PAK4: variants seen among roughly 807,000 people sequenced by gnomAD.
PAK4 encodes serine/threonine-protein kinase PAK 4.
Under a neutral mutation model 53.5 loss-of-function variants are expected in PAK4, and 49 were observed. The ratio of observed to expected loss-of-function variants is 0.92; its 90% CI spans 0.73 to 1.16. PAK4 has a LOEUF of 1.16. Among genes scored for constraint, PAK4 ranks in the 50% most tolerant of loss-of-function variants. The probability of loss-of-function intolerance (pLI) is 0.00; values close to 1 mark genes in which losing one functional copy is unlikely to be tolerated. For missense variants in PAK4, 824 were observed against 850.7 expected (o/e 0.97, Z 0.39); for synonymous variants, 376 against 375.6 (o/e 1.00, Z -0.01).
intron 1 of PAK4, among the ~76,000 whole-genome samples, chr19:39,152,625 A>G (rs768996089): frequency 6.6e-6 from 1 of 152,190 alleles, no homozygotes; most frequent in Non-Finnish European, 1.5e-5. Flanking sequence ...TGCTGGGTTT[A>G]CTGTCACACC....
Position 39,178,520 on chromosome 19 carries a change from G to A in PAK4, c.1717G>A (p.Ala573Thr), listed in dbSNP as rs149210444. ...CGAGCTGCTGAAGCACCCATTCCTG[G>A]CCAAGGCAGGGCCGCCTGCCAGCAT... Residue 573 changes from alanine to threonine, a missense_variant, in exon 9 of 9, where the codon GCC (alanine) becomes ACC (threonine). Ala to Thr is a moderately conservative substitution (Grantham distance 58, BLOSUM62 0). Transcript: ENST00000358301. The surrounding 1 kb of genome is among the most constrained non-coding windows in gnomAD (Gnocchi z 4.4). The A allele has an allele frequency of 5.6e-6, 9 of 1,611,842 alleles. No individual in the cohort carries two copies. Among genetic ancestry groups the A allele is most frequent in the Non-Finnish European group, 6.8e-6 (8 of 1,179,522 alleles).
downstream of PAK4, chr19:39,180,977 A>G (rs1356849798): frequency 6.6e-6 from 1 of 152,050 alleles, no homozygotes; most frequent in South Asian, 2.1e-4. Context: ...TGCTGAAGAA[A>G]CCACGGGCTC....
At chr19:39,147,010 G>A (rs899515142) in intron 1 of PAK4, among the ~76,000 whole-genome samples, 1 of 126,832 alleles carries the variant, frequency 7.9e-6, no homozygotes, top group Non-Finnish European at 1.7e-5. Context: ...TAACACCTGC[G>A]AGACTGTAGT....
intron 1 of PAK4, among the ~76,000 whole-genome samples, chr19:39,158,710 C>T (rs1032307990): frequency 5.9e-5 from 9 of 152,138 alleles, no homozygotes; most frequent in East Asian, 1.9e-4. Flanking sequence ...ATCATCTCTT[C>T]GTTGAGCCAC....
exon 2 of PAK4, chr19:39,169,716 G>T: frequency 6.2e-7 from 1 of 1,609,780 alleles, no homozygotes. Flanking sequence ...GCCCCTCGTC[G>T]ACCCCGCCTG....
rs149987433 is a variant in PAK4 at position 39,161,622 on chromosome 19, C to T, written c.-22-7910C>T. Among the ~76,000 whole-genome samples the T allele has an allele frequency of 1.7e-4, 26 of 152,118 alleles. No homozygotes were observed. Among genetic ancestry groups the T allele is most frequent in the East Asian group, 3.9e-4 (2 of 5,166 alleles). On this transcript the variant is annotated intron_variant, in intron 1 of 8. Coordinates refer to ENST00000358301, the Ensembl canonical transcript of PAK4. The surrounding 1 kb of genome is among the most constrained non-coding windows in gnomAD (Gnocchi z 4.5). ...GGAGCCTGTGAACTCCTGAGTCAGG[C>T]GGTGGCCCTCCTGGGCTCAGAGACC...
chr19:39,137,981 A>AG (rs1244309292), intron 1 of PAK4, among the ~76,000 whole-genome samples: 1 of 127,826 alleles, frequency 7.8e-6, no homozygotes, highest in Admixed American at 8.2e-5. Flanking sequence ...GCCATTCCTG[A>AG]GGTTTTTTTT....
chr19:39,165,189 G>GATAATA (rs1171032266), intron 1 of PAK4, among the ~76,000 whole-genome samples: 3 of 54,734 alleles, frequency 5.5e-5, no homozygotes, highest in Non-Finnish European at 1.3e-4. Context: ...GGATGATGAT[G>GATAATA]ATGATGATAA....
At chr19:39,147,567 C>G (rs1255748816) in intron 1 of PAK4, among the ~76,000 whole-genome samples, 3 of 152,178 alleles carry the variant, frequency 2.0e-5, no homozygotes, top group African/African-American at 7.2e-5. Context: ...AGAAAACCAT[C>G]AAAACCATTT....
Position 39,177,668 on chromosome 19 carries a change from G to A in PAK4, c.1486-7G>A, listed in dbSNP as rs200152704. 96 of 1,610,608 alleles carry A rather than the reference G, an allele frequency of 6.0e-5. No individual in the cohort carries two copies. The East Asian group carries it at 1.3e-3, about 22-fold the overall frequency. The stretch of plus-strand genomic sequence containing the variant: ...GCTCAGCCCTGCTGTCCCTTCTCCC[G>A]CCCCAGGTAGACATCTGGTCGCTGG... On this transcript the variant is annotated splice_polypyrimidine_tract_variant and splice_region_variant and intron_variant, in intron 7 of 8. Transcript: ENST00000358301.
chr19:39,146,393 T>G (rs1190405933), intron 1 of PAK4, among the ~76,000 whole-genome samples: 3 of 152,162 alleles, frequency 2.0e-5, no homozygotes. Flanking sequence ...AGGAGCAGGG[T>G]TAGTTTGCGG....
At chr19:39,140,440 G>C (rs1175422703) in intron 1 of PAK4, among the ~76,000 whole-genome samples, 1 of 152,170 alleles carries the variant, frequency 6.6e-6, no homozygotes, top group Non-Finnish European at 1.5e-5. Flanking sequence ...AGGGAGGACT[G>C]TCCCCACGGG....
chr19:39,126,291 G>C, intron 1 of PAK4, among the ~76,000 whole-genome samples: 1 of 152,132 alleles, frequency 6.6e-6, no homozygotes, highest in South Asian at 2.1e-4. Context: ...GCTGCCCCTA[G>C]CGGAGCAGAT....
intron 1 of PAK4, among the ~76,000 whole-genome samples, chr19:39,133,964 C>T (rs774701258): frequency 1.9e-4 from 29 of 152,188 alleles, no homozygotes; most frequent in Admixed American, 2.6e-4. Context: ...TAGGACCCTG[C>T]GGGCCACTGG....
At chr19:39,181,437 C>A (rs2074699875), downstream of PAK4, 1 of 152,282 alleles carries the variant, frequency 6.6e-6, no homozygotes, top group Non-Finnish European at 1.5e-5. Context: ...CTGGAGGAGC[C>A]ACAGAGTGCC....
chr19:39,169,089 G>C (rs1422327012), intron 1 of PAK4, among the ~76,000 whole-genome samples: 3 of 152,146 alleles, frequency 2.0e-5, no homozygotes, highest in African/African-American at 4.8e-5. Context: ...GATGTAGAGC[G>C]GGGGGACGGC....
In PAK4 at chr19:39,178,339, G is replaced by C. The variant is rs1024027945; in HGVS notation, c.1621-85G>C. ...TCCTGCACAGTACATGCCGCCAGCC[G>C]ACTTGGCAGAGGCGGACACTGCAGC... On this transcript the variant is annotated intron_variant, in intron 8 of 8. Transcript: ENST00000358301. The surrounding 1 kb of genome is among the most constrained non-coding windows in gnomAD (Gnocchi z 4.4). The C allele has an allele frequency of 6.9e-7, 1 of 1,458,616 alleles. No homozygotes were observed. Among genetic ancestry groups the C allele is most frequent in the African/African-American group, 1.4e-5 (1 of 71,502 alleles). 90.4% of individuals were successfully genotyped at this position (1,458,616 alleles called of 1,614,324 possible).
At chr19:39,159,067 A>AGGT (rs2074241576) in intron 1 of PAK4, among the ~76,000 whole-genome samples, 1 of 152,160 alleles carries the variant, frequency 6.6e-6, no homozygotes, top group African/African-American at 2.4e-5. Flanking sequence ...CATGCTCAGG[A>AGGT]GGTAGGGACT....
At chr19:39,146,767 G>A (rs1410643159) in intron 1 of PAK4, among the ~76,000 whole-genome samples, 2 of 152,058 alleles carry the variant, frequency 1.3e-5, no homozygotes. Context: ...AGCCTGGGAG[G>A]TTGAAGCTGC....
Sources: allele counts gnomAD v4.1 joint callset (sites outside exome capture counted in the v4.1 genomes callset), GRCh38; gene constraint gnomAD v4.1.1; non-coding constraint Gnocchi (gnomAD v3.1); transcripts MANE v1.5; gene names NCBI Gene and HGNC (gene_info 2026-07-23, HGNC 2026-07-21).